Variants in TMED5 observed in about 807,000 individuals in gnomAD.
TMED5 encodes the protein transmembrane p24 trafficking protein 5.
TMED5 carries 27 observed loss-of-function variants against 23.0 expected under a neutral mutation model. The ratio of observed to expected loss-of-function variants is 1.17; its 90% confidence interval spans 0.86 to 1.62. The LOEUF (loss-of-function observed/expected upper bound fraction) is 1.62, where lower values mean the gene tolerates loss of function less well. Ranked by LOEUF, TMED5 falls within the 40% of genes most tolerant of loss-of-function variation. TMED5 has a pLI of 0.00. For missense variants in TMED5, 248 were observed against 273.7 expected (o/e 0.91, Z 0.66); for synonymous variants, 97 against 100.8 (o/e 0.96, Z 0.23).
intron 1 of TMED5, among the ~76,000 whole-genome samples, chr1:93,175,198 T>C (rs1367418529): frequency 7.0e-6 from 1 of 142,442 alleles, no homozygotes; most frequent in Non-Finnish European, 1.5e-5. Flanking sequence ...TATATATATA[T>C]ATAAATGGAC....
rs543595358 is a variant in TMED5, at chr1:93,176,989, G to T, written c.189+3065C>A. On this transcript the variant is annotated intron_variant, in intron 1 of 3. Transcript: ENST00000370282. ...TCAAGAACCTCTATCAATATAATGT[G>T]AGGCTAGTCAATTATCCAAAAAGTA... 6.4e-4 allele frequency among the ~76,000 whole-genome samples: 98 copies of T among 152,310 alleles called. 1 individual carries two copies. Among genetic ancestry groups the T allele is most frequent in the African/African-American group, 1.8e-3 (75 of 41,562 alleles).
chr1:93,171,738 C>T (rs768121844), intron 1 of TMED5, among the ~76,000 whole-genome samples: 1 of 152,100 alleles, frequency 6.6e-6, no homozygotes, highest in Non-Finnish European at 1.5e-5. Context: ...ATTCTAAAAC[C>T]AGAAAAGACA....
chr1:93,156,990 A>G (rs1338967881), intron 2 of TMED5, among the ~76,000 whole-genome samples: 1 of 152,170 alleles, frequency 6.6e-6, no homozygotes, highest in Non-Finnish European at 1.5e-5. Context: ...GCATTTACTC[A>G]GTAAATTATG....
At chr1:93,169,773 C>T (rs554907820) in intron 1 of TMED5, among the ~76,000 whole-genome samples, 150 of 152,086 alleles carry the variant, frequency 9.9e-4, no homozygotes, top group Non-Finnish European at 1.9e-3. Context: ...AATGGCCAGG[C>T]GTGGTGGCCA....
Position 93,173,243 on chromosome 1 carries a change from T to A in TMED5, c.189+6811A>T, listed in dbSNP as rs555211026. 1.3e-3 allele frequency among the ~76,000 whole-genome samples: 198 copies of A among 152,326 alleles called. 2 individuals are homozygous for A. The highest frequency in any genetic ancestry group is 4.6e-3 in the African/African-American group (191 of 41,586). On this transcript the variant is annotated intron_variant, in intron 1 of 3. Transcript: ENST00000370282. ...AAAATTATAGGCAAGGCAATGTTAATTAGCCTGATTTAATCATTACATGTT... is the reference window on the plus strand; with the variant it reads ...AAAATTATAGGCAAGGCAATGTTAAATAGCCTGATTTAATCATTACATGTT...
chr1:93,170,072 T>C (rs1389559155), intron 1 of TMED5, among the ~76,000 whole-genome samples: 2 of 152,098 alleles, frequency 1.3e-5, no homozygotes, highest in East Asian at 3.9e-4. Flanking sequence ...TCTTAAAAAA[T>C]ATAAATAAAA....
chr1:93,153,635 G>A lies in TMED5; in HGVS notation c.*1035C>T, dbSNP rs1647958192. On this transcript the variant is annotated 3_prime_UTR_variant, in exon 4 of 4. Coordinates refer to ENST00000370282, the MANE Select transcript of TMED5 (RefSeq NM_016040.5). ...TTCTACTTAAGTGAATTTTATTTTGGATTAGGTTTTCTCAAGTTTTTCTAA... is the reference window on the plus strand; with the variant it reads ...TTCTACTTAAGTGAATTTTATTTTGAATTAGGTTTTCTCAAGTTTTTCTAA... 1 of 151,994 alleles carries A rather than the reference G, an allele frequency of 6.6e-6. No individual in the cohort carries two copies. Among genetic ancestry groups the A allele is most frequent in the Non-Finnish European group, 1.5e-5 (1 of 67,950 alleles). 9.4% of individuals were successfully genotyped at this position (151,994 alleles called of 1,614,324 possible).
intron 3 of TMED5, 101 bp downstream of exon 3, chr1:93,156,199 T>C: frequency 8.2e-7 from 1 of 1,226,266 alleles, no homozygotes; most frequent in African/African-American, 1.5e-5. Context: ...GAAACAGATT[T>C]TCCTGGATAA....
chr1:93,158,192 TG>T (rs1648145053), intron 2 of TMED5, among the ~76,000 whole-genome samples: 1 of 151,912 alleles, frequency 6.6e-6, no homozygotes, highest in Non-Finnish European at 1.5e-5. Flanking sequence ...ACTGCCTGAA[TG>T]TATATCCTGG....
chr1:93,156,232 G>T (rs1335615953), intron 3 of TMED5, 68 bp downstream of exon 3: 1 of 1,409,296 alleles, frequency 7.1e-7, no homozygotes, highest in Non-Finnish European at 9.9e-7. Flanking sequence ...GCTTAGTTCA[G>T]TAACTTATTA....
At chr1:93,179,991 G>A in intron 1 of TMED5, 63 bp downstream of exon 1, 1 of 1,517,214 alleles carries the variant, frequency 6.6e-7, no homozygotes, top group Non-Finnish European at 9.0e-7. Context: ...CTAAACGGGT[G>A]AGAGGCGACA....
chr1:93,157,625 C>T (rs1197799369), intron 2 of TMED5, among the ~76,000 whole-genome samples: 1 of 151,950 alleles, frequency 6.6e-6, no homozygotes, highest in Non-Finnish European at 1.5e-5. Context: ...CTTGGTTGAG[C>T]CCAGTACTTT....
In TMED5 at chr1:93,156,490, A is replaced by T. The variant is rs201086953; in HGVS notation, c.288-7T>A. 4.6e-5 allele frequency: 74 copies of T among 1,594,356 alleles called. No individual in the cohort carries two copies. The South Asian group carries it at 5.1e-4, about 11-fold the overall frequency. ...ACCAACTTCAGTCTCTACACTGTAT[A>T]AAAAAAAGTACATGTTTTAAGTTAC... On this transcript the variant is annotated splice_region_variant and splice_polypyrimidine_tract_variant and intron_variant, in intron 2 of 3. Coordinates refer to ENST00000370282, the MANE Select transcript of TMED5 (RefSeq NM_016040.5).
chr1:93,159,713 T>C (rs34921381), intron 2 of TMED5, among the ~76,000 whole-genome samples: 2,084 of 152,244 alleles, frequency 0.014, 27 homozygotes, highest in Middle Eastern at 0.024. Flanking sequence ...AAAGATATAC[T>C]GTCCTGTTTT....
At chr1:93,176,280 C>T (rs1295882847) in intron 1 of TMED5, among the ~76,000 whole-genome samples, 1 of 151,864 alleles carries the variant, frequency 6.6e-6, no homozygotes, top group Non-Finnish European at 1.5e-5. Flanking sequence ...TCTTTTTTAC[C>T]CATTGTCTCG....
intron 1 of TMED5, among the ~76,000 whole-genome samples, chr1:93,175,026 C>A (rs562676321): frequency 1.9e-3 from 274 of 144,776 alleles, no homozygotes; most frequent in African/African-American, 6.9e-3. Flanking sequence ...TTGCTGGAGA[C>A]CCTATCTCTT....
At chr1:93,176,590 G>A (rs773239391) in intron 1 of TMED5, among the ~76,000 whole-genome samples, 1 of 152,086 alleles carries the variant, frequency 6.6e-6, no homozygotes, top group Admixed American at 6.5e-5. Context: ...CTGGAGTACA[G>A]TGGTGTGATC....
intron 1 of TMED5, among the ~76,000 whole-genome samples, chr1:93,175,479 T>C (rs1648882465): frequency 6.7e-6 from 1 of 150,198 alleles, no homozygotes; most frequent in Non-Finnish European, 1.5e-5. Flanking sequence ...TGTATGTATA[T>C]AAAACAAAAA....
Position 93,167,689 on chromosome 1 carries a change from T to A in TMED5, c.190-7463A>T, listed in dbSNP as rs1248362668. ...TAGACTTTTCCAAATATAAGATATA[T>A]CATTTGCAAAGAAGGATAATTTGAC... On this transcript the variant is annotated intron_variant, in intron 1 of 3. Transcript: ENST00000370282. 1.7e-4 allele frequency among the ~76,000 whole-genome samples: 26 copies of A among 152,206 alleles called. 1 individual carries two copies.
Sources: allele counts gnomAD v4.1 joint callset (sites outside exome capture counted in the v4.1 genomes callset), GRCh38; gene constraint gnomAD v4.1.1; transcripts MANE v1.5; gene names NCBI Gene and HGNC (gene_info 2026-07-23, HGNC 2026-07-21).